Variants in COL25A1 observed in about 807,000 individuals in gnomAD.
COL25A1 encodes collagen type XXV alpha 1 chain.
In COL25A1, 103 loss-of-function variants were observed where a neutral mutation model predicts 128.4. The ratio of observed to expected loss-of-function variants is 0.80; its 90% confidence interval spans 0.68 to 0.94. The LOEUF is 0.94. Ranked by LOEUF, COL25A1 falls within the 40% of genes least tolerant of loss-of-function variation. COL25A1 has a pLI of 0.00. For synonymous variants in COL25A1, 279 were observed against 277.2 expected, an observed-to-expected ratio of 1.01 and a Z score of -0.06; for missense variants, 745 against 840.0, an observed-to-expected ratio of 0.89 and a Z score of 1.40.
At chr4:109,080,726 A>G (rs1182533774) in intron 3 of COL25A1, among the ~76,000 whole-genome samples, 1 of 152,190 alleles carries the variant, frequency 6.6e-6, no homozygotes, top group East Asian at 1.9e-4. Flanking sequence ...ACGGCTTCCT[A>G]TTTATTACTA....
In COL25A1 at chr4:108,825,188, T is replaced by C; in HGVS notation, c.1791+8A>G. 1 of 1,603,344 alleles carries C rather than the reference T, an allele frequency of 6.2e-7. No individual in the cohort carries two copies. The highest frequency in any genetic ancestry group is 8.5e-7 in the Non-Finnish European group (1 of 1,170,438). Reference sequence around the variant, plus strand: ...AATAGGATGATGTTTATTGTACTTATTACTTACATCAAGACCAGGCTCTCC... The same window carrying C: ...AATAGGATGATGTTTATTGTACTTACTACTTACATCAAGACCAGGCTCTCC... On this transcript the variant is annotated splice_region_variant and intron_variant, in intron 34 of 37. Coordinates refer to ENST00000399132, the MANE Select transcript of COL25A1 (RefSeq NM_198721.4).
At position 108,988,591 on chromosome 4, in the gene COL25A1, A is replaced by G. The variant is rs140662121; in HGVS notation, c.439-14032T>C. Among the ~76,000 whole-genome samples, 30 of 152,334 alleles carry G rather than the reference A, an allele frequency of 2.0e-4. No homozygotes were observed. The East Asian group carries it at 5.8e-3, about 29-fold the overall frequency. The stretch of plus-strand genomic sequence containing the variant: ...TTTTTCTCATATCTCAAACACAGGC[A>G]TACATTTTTGGCTCCTGTTTCCCTC... On this transcript the variant is annotated intron_variant, in intron 6 of 37. Transcript: ENST00000399132.
chr4:108,992,756 C>T (rs1350744360), intron 6 of COL25A1, among the ~76,000 whole-genome samples: 2 of 152,122 alleles, frequency 1.3e-5, no homozygotes, highest in African/African-American at 4.8e-5. Flanking sequence ...GGCTTAGGAA[C>T]CTCAGAGATG....
intron 3 of COL25A1, among the ~76,000 whole-genome samples, chr4:109,277,784 T>C (rs1722981122): frequency 6.6e-6 from 1 of 152,194 alleles, no homozygotes; most frequent in Non-Finnish European, 1.5e-5. Context: ...TTTATTATTA[T>C]GTTACACCAT....
intron 5 of COL25A1, among the ~76,000 whole-genome samples, chr4:109,035,631 TCTC>T (rs1759265811): frequency 6.6e-6 from 1 of 152,098 alleles, no homozygotes; most frequent in Non-Finnish European, 1.5e-5. Flanking sequence ...AATAAAAGCT[TCTC>T]CTTCTCAATG....
chr4:109,261,570 G>T (rs944293562), intron 3 of COL25A1, among the ~76,000 whole-genome samples: 1 of 152,130 alleles, frequency 6.6e-6, no homozygotes, highest in Non-Finnish European at 1.5e-5. Flanking sequence ...TTTCCCGTTA[G>T]TAGGCAAAGT....
intron 3 of COL25A1, among the ~76,000 whole-genome samples, chr4:109,226,112 G>A (rs1778787927): frequency 6.6e-6 from 1 of 151,976 alleles, no homozygotes. Context: ...ATTGTTTTAA[G>A]TTAAATAAGT....
intron 3 of COL25A1, among the ~76,000 whole-genome samples, chr4:109,284,329 G>C (rs891406267): frequency 6.6e-6 from 1 of 152,214 alleles, no homozygotes; most frequent in African/African-American, 2.4e-5. Context: ...GGAGGCTGAG[G>C]CAGGAGAATT....
intron 3 of COL25A1, among the ~76,000 whole-genome samples, chr4:109,284,311 G>A (rs1320689677): frequency 6.6e-6 from 1 of 152,200 alleles, no homozygotes; most frequent in Non-Finnish European, 1.5e-5. Context: ...TGTAATCCCA[G>A]CTACTCAGGA....
At chr4:108,881,532 C>T (rs1740121067) in intron 19 of COL25A1, among the ~76,000 whole-genome samples, 1 of 152,122 alleles carries the variant, frequency 6.6e-6, no homozygotes, top group African/African-American at 2.4e-5. Context: ...CGCTTGCTAC[C>T]ACACATTCTA....
chr4:109,059,920 T>C (rs751527357), intron 3 of COL25A1, among the ~76,000 whole-genome samples: 5 of 152,168 alleles, frequency 3.3e-5, no homozygotes, highest in Non-Finnish European at 7.4e-5. Flanking sequence ...TTTCTGCCAG[T>C]TAAAAACAAA....
Position 108,984,041 on chromosome 4 carries a change from T to G in COL25A1, c.439-9482A>C, listed in dbSNP as rs185533437. Among the ~76,000 whole-genome samples, 23 of 152,272 alleles carry G rather than the reference T, an allele frequency of 1.5e-4. No individual in the cohort carries two copies. In the East Asian group the frequency reaches 4.3e-3, roughly 28 times the overall value. On this transcript the variant is annotated intron_variant, in intron 6 of 37. Transcript: ENST00000399132. ...TGGTCTGTTTTGACAGGGCGCTGATTGGTGCCTTTACAATCCCTGAGCTAG... is the reference window on the plus strand; with the variant it reads ...TGGTCTGTTTTGACAGGGCGCTGATGGGTGCCTTTACAATCCCTGAGCTAG...
chr4:109,033,555 T>C (rs939031486), intron 5 of COL25A1, among the ~76,000 whole-genome samples: 5 of 152,232 alleles, frequency 3.3e-5, no homozygotes, highest in Admixed American at 3.3e-4. Context: ...ACAAAACATT[T>C]GGAACCTCTT....
At chr4:108,942,389 G>T in intron 8 of COL25A1, 1 of 853,120 alleles carries the variant, frequency 1.2e-6, no homozygotes, top group Non-Finnish European at 1.9e-6. Flanking sequence ...TAGAAGTCTT[G>T]CCTCATCTGA....
chr4:109,250,695 TG>T (rs940851636), intron 3 of COL25A1, among the ~76,000 whole-genome samples: 2 of 152,196 alleles, frequency 1.3e-5, no homozygotes, highest in Non-Finnish European at 2.9e-5. Context: ...TTTCCCATAT[TG>T]GGGTGGGCAA....
intron 24 of COL25A1, 44 bp downstream of exon 24, chr4:108,859,612 A>G (rs1398635423): frequency 2.6e-6 from 4 of 1,558,412 alleles, no homozygotes; most frequent in Non-Finnish European, 3.5e-6. Context: ...GGTGCTCCTC[A>G]GCATCCTTCT....
intron 5 of COL25A1, among the ~76,000 whole-genome samples, chr4:109,010,720 C>T (rs969984451): frequency 3.3e-5 from 5 of 152,152 alleles, no homozygotes; most frequent in African/African-American, 1.2e-4. Context: ...AGTCTTGCAG[C>T]ATAGGCTGTG....
intron 6 of COL25A1, 80 bp from the exon 7 acceptor site, chr4:108,974,639 G>A (rs2125988983): frequency 1.7e-6 from 2 of 1,198,978 alleles, no homozygotes; most frequent in Non-Finnish European, 2.3e-6. Context: ...TTAGTTGAAA[G>A]ATTCATTCAA....
intron 3 of COL25A1, among the ~76,000 whole-genome samples, chr4:109,251,452 G>A (rs150745948): frequency 2.1e-4 from 32 of 152,258 alleles, no homozygotes; most frequent in African/African-American, 7.7e-4. Flanking sequence ...TAGACTAAGA[G>A]ACACGCTAGG....
Sources: gnomAD v4.1 joint callset for allele counts (sites outside exome capture counted in the v4.1 genomes callset) on GRCh38, gnomAD v4.1.1 for gene constraint, MANE v1.5 for transcripts, NCBI Gene and HGNC (gene_info 2026-07-23, HGNC 2026-07-21) for gene names.